The following CDH10 variants were observed in gnomAD, a reference collection of about 807,000 sequenced individuals.
CDH10 encodes the protein cadherin 10, also known as cadherin-10.
In CDH10, 30 loss-of-function variants were observed where a neutral mutation model predicts 73.1. The ratio of observed to expected loss-of-function variants is 0.41; its 90% CI spans 0.31 to 0.56. The LOEUF (loss-of-function observed/expected upper bound fraction) is 0.56, where lower values mean the gene tolerates loss of function less well. Among genes scored for constraint, CDH10 ranks in the 20% least tolerant of loss-of-function variants. The pLI, the probability that CDH10 is intolerant of heterozygous loss-of-function variation, is 0.27. For synonymous variants in CDH10, 345 were observed against 348.2 expected (o/e 0.99, Z 0.10); for missense variants, 815 against 973.7 (o/e 0.84, Z 2.17).
chr5:24,637,956 C>T (rs1747920762), intron 1 of CDH10, among the ~76,000 whole-genome samples: 1 of 151,736 alleles, frequency 6.6e-6, no homozygotes, highest in Non-Finnish European at 1.5e-5. Flanking sequence ...CTTGATCTAG[C>T]CTCTACTTAT....
intron 2 of CDH10, among the ~76,000 whole-genome samples, chr5:24,581,225 C>A (rs1276097357): frequency 1.3e-5 from 2 of 151,812 alleles, no homozygotes; most frequent in African/African-American, 4.8e-5. Flanking sequence ...CTACAGTTGA[C>A]TCCTTGCTTT....
At chr5:24,595,190 T>C (rs1456863909) in intron 1 of CDH10, among the ~76,000 whole-genome samples, 1 of 151,854 alleles carries the variant, frequency 6.6e-6, no homozygotes, top group Admixed American at 6.6e-5. Context: ...GTATGTGTTA[T>C]AGAAAGTGAT....
At chr5:24,572,787 T>C (rs1230998014) in intron 2 of CDH10, among the ~76,000 whole-genome samples, 1 of 151,944 alleles carries the variant, frequency 6.6e-6, no homozygotes, top group Non-Finnish European at 1.5e-5. Flanking sequence ...AAATCTTGTG[T>C]CTTTCTCACA....
intron 2 of CDH10, among the ~76,000 whole-genome samples, chr5:24,559,952 A>C (rs1463398397): frequency 6.6e-6 from 1 of 152,000 alleles, no homozygotes; most frequent in African/African-American, 2.4e-5. Context: ...TTAAAGTGTG[A>C]CTTTATACTA....
chr5:24,588,081 T>A (rs1032921566), intron 2 of CDH10, among the ~76,000 whole-genome samples: 2 of 152,200 alleles, frequency 1.3e-5, no homozygotes, highest in African/African-American at 4.8e-5. Flanking sequence ...CATGTGTGTA[T>A]GATCTTTACA....
At position 24,593,226 on chromosome 5, in the gene CDH10, A is replaced by T. The variant is rs570009608; in HGVS notation, c.231+34T>A. On this transcript the variant is annotated intron_variant, in intron 2 of 11. Coordinates refer to ENST00000264463, the MANE Select transcript of CDH10 (RefSeq NM_006727.5). Reference sequence around the variant, plus strand: ...TCATCAGTAAAATATATAAAGAGCAAATATAAACACGTGCCATTTTAACAC... The same window carrying T: ...TCATCAGTAAAATATATAAAGAGCATATATAAACACGTGCCATTTTAACAC... 16 of 1,193,672 alleles carry T rather than the reference A, an allele frequency of 1.3e-5. No homozygotes were observed. In the South Asian group the frequency reaches 1.5e-4, roughly 11 times the overall value. 73.9% of individuals were successfully genotyped at this position (1,193,672 alleles called of 1,614,324 possible).
intron 2 of CDH10, among the ~76,000 whole-genome samples, chr5:24,540,289 T>C (rs997875609): frequency 6.6e-6 from 1 of 151,894 alleles, no homozygotes; most frequent in Middle Eastern, 3.2e-3. Context: ...AAATATAGAA[T>C]ATAGATTTGG....
At chr5:24,526,465 G>A in intron 5 of CDH10, among the ~76,000 whole-genome samples, 1 of 151,674 alleles carries the variant, frequency 6.6e-6, no homozygotes, top group Non-Finnish European at 1.5e-5. Context: ...TTCACATGCT[G>A]TATTTCACTA....
chr5:24,508,626 C>T (rs1255040291), intron 7 of CDH10, among the ~76,000 whole-genome samples: 1 of 147,984 alleles, frequency 6.8e-6, no homozygotes, highest in Non-Finnish European at 1.5e-5. Flanking sequence ...TCAAGTGATC[C>T]TCCTGTCTTA....
chr5:24,493,403 A>C (rs16893431), intron 9 of CDH10, among the ~76,000 whole-genome samples: 11,801 of 151,988 alleles, frequency 0.078, 1,239 homozygotes, highest in African/African-American at 0.24. Context: ...CCTTGAGAGT[A>C]AAAGTTCAAT....
intron 5 of CDH10, among the ~76,000 whole-genome samples, chr5:24,520,068 A>G (rs6867043): frequency 0.48 from 73,605 of 152,088 alleles, 17,927 homozygotes; most frequent in East Asian, 0.58. Context: ...ATACTGGATT[A>G]CAGCTTTAAC....
chr5:24,553,018 T>A (rs951281049), intron 2 of CDH10, among the ~76,000 whole-genome samples: 2 of 152,166 alleles, frequency 1.3e-5, no homozygotes, highest in Non-Finnish European at 2.9e-5. Flanking sequence ...TTTGTGTTTA[T>A]TCTTGGATTT....
At chr5:24,491,165 G>A (rs146585959) in intron 11 of CDH10, among the ~76,000 whole-genome samples, 192 of 152,254 alleles carry the variant, frequency 1.3e-3, no homozygotes, top group Non-Finnish European at 2.1e-3. Context: ...CCTAGGTTCC[G>A]AAGATCTCTT....
At chr5:24,504,277 C>T (rs993848483) in intron 8 of CDH10, among the ~76,000 whole-genome samples, 1 of 152,004 alleles carries the variant, frequency 6.6e-6, no homozygotes, top group East Asian at 1.9e-4. Flanking sequence ...TTCTTATCAT[C>T]AAAAATGGGA....
intron 1 of CDH10, among the ~76,000 whole-genome samples, chr5:24,619,028 T>G (rs1747217853): frequency 6.6e-6 from 1 of 152,198 alleles, no homozygotes; most frequent in African/African-American, 2.4e-5. Flanking sequence ...CACTCCTTTC[T>G]TCTCTCCTAT....
chr5:24,527,334 T>C (rs1194814045), intron 5 of CDH10, among the ~76,000 whole-genome samples: 1 of 147,998 alleles, frequency 6.8e-6, no homozygotes, highest in Non-Finnish European at 1.5e-5. Flanking sequence ...TATATATTTA[T>C]ATAATCAAAT....
intron 2 of CDH10, among the ~76,000 whole-genome samples, chr5:24,544,232 TGCAGTAA>T (rs965926104): frequency 6.6e-6 from 1 of 152,088 alleles, no homozygotes; most frequent in African/African-American, 2.4e-5. Context: ...AGGCGGAGGT[TGCAGTAA>T]GCCAAGATCA....
Position 24,487,834 on chromosome 5 carries a change from T to A in CDH10, c.2196A>T (p.Ser732=), listed in dbSNP as rs773966996. The A allele has an allele frequency of 1.9e-6, 3 of 1,613,894 alleles. No homozygotes were observed. Among genetic ancestry groups the A allele is most frequent in the South Asian group, 2.2e-5 (2 of 91,062 alleles). Residue 732 remains serine (S), a synonymous_variant, in exon 12 of 12, where the codon TCA becomes TCT. Transcript: ENST00000264463. ...DLDPTAPPYD[S]LATYAYEGND... is the part of the protein sequence containing the mutation. Reference sequence around the variant, plus strand: ...TTCCTTCATAGGCATAGGTTGCAAGTGAGTCGTAGGGGGGTGCGGTGGGGT... The same window carrying A: ...TTCCTTCATAGGCATAGGTTGCAAGAGAGTCGTAGGGGGGTGCGGTGGGGT...
At position 24,491,562 on chromosome 5, in the gene CDH10, T is replaced by C. The variant is rs1742054567; in HGVS notation, c.1876+14A>G. 1 of 1,594,060 alleles carries C rather than the reference T, an allele frequency of 6.3e-7. No homozygotes were observed. Among genetic ancestry groups the C allele is most frequent in the Non-Finnish European group, 8.6e-7 (1 of 1,167,154 alleles). The stretch of plus-strand genomic sequence containing the variant: ...AGCCTAGAAAATGCTCCCATTGTTT[T>C]TAAGGTTTCTTACCCAGTAGAATGA... On this transcript the variant is annotated intron_variant, in intron 11 of 11. Transcript: ENST00000264463.
Sources: allele counts gnomAD v4.1 joint callset (sites outside exome capture counted in the v4.1 genomes callset), GRCh38; gene constraint gnomAD v4.1.1; transcripts MANE v1.5; gene names NCBI Gene and HGNC (gene_info 2026-07-23, HGNC 2026-07-21).